The following KLHL22 variants were observed in gnomAD, a reference collection of about 807,000 sequenced individuals.
KLHL22 encodes the protein kelch like family member 22, also known as kelch-like protein 22.
KLHL22 carries 18 observed loss-of-function variants against 60.7 expected under a neutral mutation model. That is an observed-to-expected ratio of 0.30 (90% CI 0.20 to 0.44). The LOEUF is 0.44. KLHL22 is among the 20% of genes least tolerant of loss of function. The pLI, the probability that KLHL22 is intolerant of heterozygous loss-of-function variation, is 1.00. For synonymous variants in KLHL22, 355 were observed against 354.5 expected (o/e 1.00, Z -0.01); for missense variants, 596 against 852.3 (o/e 0.70, Z 3.74).
chr22:20,471,277 G>A (rs2053322703), intron 3 of KLHL22, 73 bp downstream of exon 3: 7 of 1,437,304 alleles, frequency 4.9e-6, no homozygotes, highest in South Asian at 1.3e-5. Context: ...GCTAGTGCCC[G>A]GCAGGCATCA....
At chr22:20,486,183 A>AG (rs2053584828) in intron 2 of KLHL22, among the ~76,000 whole-genome samples, 1 of 151,774 alleles carries the variant, frequency 6.6e-6, no homozygotes, top group Admixed American at 6.6e-5. Flanking sequence ...AAAAAAAAAA[A>AG]AAGAAATTTA....
intron 6 of KLHL22, among the ~76,000 whole-genome samples, chr22:20,445,130 G>A (rs987564256): frequency 1.3e-5 from 2 of 151,824 alleles, no homozygotes; most frequent in African/African-American, 4.8e-5. Context: ...AAACATACAC[G>A]GTCAATGCTG....
At chr22:20,480,787 G>A (rs1017306853) in intron 2 of KLHL22, among the ~76,000 whole-genome samples, 2 of 147,170 alleles carry the variant, frequency 1.4e-5, no homozygotes, top group Non-Finnish European at 3.0e-5. Context: ...ATAATTTTGA[G>A]TTTTGGGTGG....
In KLHL22 at chr22:20,446,444, T is replaced by C; in HGVS notation, c.1538A>G (p.Gln513Arg). Residue 513 changes from glutamine to arginine, a missense_variant and splice_region_variant, in exon 6 of 7, where the codon CAG (glutamine) becomes CGG (arginine). By Grantham distance (43) the Gln-to-Arg change is conservative. Coordinates refer to ENST00000328879, the MANE Select transcript of KLHL22 (RefSeq NM_032775.4). Reference sequence around the variant, plus strand: ...TGGACTGCCCCGGGCCCCACTCACCTGGTGCACGTCCCTCCTGTATCCGGC... The same window carrying C: ...TGGACTGCCCCGGGCCCCACTCACCCGGTGCACGTCCCTCCTGTATCCGGC... ...NDAGYRRDVH[Q>R]VACYSCTSGQ... 1 of 1,592,370 alleles carries C rather than the reference T, an allele frequency of 6.3e-7. No individual in the cohort carries two copies. Among genetic ancestry groups the C allele is most frequent in the Non-Finnish European group, 8.6e-7 (1 of 1,165,430 alleles).
intron 2 of KLHL22, among the ~76,000 whole-genome samples, chr22:20,487,482 A>G (rs2053605435): frequency 6.6e-6 from 1 of 151,668 alleles, no homozygotes; most frequent in Admixed American, 6.6e-5. Flanking sequence ...TTGGCCTCCC[A>G]AAGTGCTGGG....
At chr22:20,485,989 A>G (rs1235067654) in intron 2 of KLHL22, among the ~76,000 whole-genome samples, 1 of 151,804 alleles carries the variant, frequency 6.6e-6, no homozygotes, top group Non-Finnish European at 1.5e-5. Flanking sequence ...CAACATGGTG[A>G]AACCCTGTCT....
chr22:20,488,989 A>G lies in KLHL22; in HGVS notation c.223T>C (p.Phe75Leu), dbSNP rs1412258901. The change falls in exon 2 of 7, where the codon TTC (phenylalanine) becomes CTC (leucine). Residue 75 changes from phenylalanine (F) to leucine (L), a missense_variant. Transcript: ENST00000328879. ...AAACAGCTCTAGTGAACTCACCTGAAGTAATCGCAGGACGCAGCCAGCAGG... is the reference window on the plus strand; with the variant it reads ...AAACAGCTCTAGTGAACTCACCTGAGGTAATCGCAGGACGCAGCCAGCAGG... ...RILLAASCDY[F>L]RGMFAGGLKE... The G allele has an allele frequency of 6.2e-7, 1 of 1,613,712 alleles. No individual in the cohort carries two copies. Among genetic ancestry groups the G allele is most frequent in the Admixed American group, 1.7e-5 (1 of 60,014 alleles).
At chr22:20,480,332 TTTA>T (rs1249774931) in intron 2 of KLHL22, among the ~76,000 whole-genome samples, 26 of 152,202 alleles carry the variant, frequency 1.7e-4, no homozygotes, top group African/African-American at 5.8e-4. Context: ...GTTATTTGTG[TTTA>T]TTATTTTAGA....
intron 5 of KLHL22, among the ~76,000 whole-genome samples, chr22:20,454,337 T>A (rs1004278478): frequency 2.4e-4 from 36 of 151,534 alleles, no homozygotes; most frequent in Non-Finnish European, 2.7e-4. Context: ...TCAAAAAAAA[T>A]AAAAATAAAA....
At position 20,489,340 on chromosome 22, in the gene KLHL22, G is replaced by A. The variant is rs150210925; in HGVS notation, c.-33-96C>T. 5.9e-5 allele frequency: 50 copies of A among 850,832 alleles called. No individual in the cohort carries two copies. The East Asian group carries it at 1.2e-3, about 21-fold the overall frequency. The allele number at this position is 850,832 out of a possible 1,614,324, so 52.7% of individuals were successfully genotyped here. On this transcript the variant is annotated intron_variant, in intron 1 of 6. Coordinates refer to ENST00000328879, the MANE Select transcript of KLHL22 (RefSeq NM_032775.4). ...GCTCTGTTGCTCCCCTTGCTCCTGT[G>A]CCTCCCTCAGGCTCACCTGTTTTCC...
chr22:20,443,449 G>C (rs1340034873), intron 6 of KLHL22, among the ~76,000 whole-genome samples: 1 of 152,180 alleles, frequency 6.6e-6, no homozygotes, highest in Non-Finnish European at 1.5e-5. Context: ...CTTAAAAGTG[G>C]AAGGGGAGAG....
intron 2 of KLHL22, among the ~76,000 whole-genome samples, chr22:20,472,024 A>G (rs1048167038): frequency 6.6e-6 from 1 of 152,154 alleles, no homozygotes; most frequent in African/African-American, 2.4e-5. Context: ...AGGCAGGCAA[A>G]TCACTTCAGG....
intron 6 of KLHL22, among the ~76,000 whole-genome samples, chr22:20,443,567 C>A (rs111879029): frequency 5.4e-4 from 82 of 152,010 alleles, no homozygotes; most frequent in African/African-American, 2.0e-3. Context: ...GGTGAAACCT[C>A]GTCTCTACTA....
intron 1 of KLHL22, among the ~76,000 whole-genome samples, chr22:20,494,859 G>T (rs574484059): frequency 1.2e-4 from 19 of 152,332 alleles, no homozygotes; most frequent in African/African-American, 4.1e-4. Flanking sequence ...GGAACTTTCA[G>T]TTCGGTACGA....
At chr22:20,473,627 G>A (rs898000678) in intron 2 of KLHL22, among the ~76,000 whole-genome samples, 1 of 152,226 alleles carries the variant, frequency 6.6e-6, no homozygotes. Flanking sequence ...TGTAATCCCA[G>A]GACTTTGGGA....
At chr22:20,443,463 G>A (rs1186007976) in intron 6 of KLHL22, among the ~76,000 whole-genome samples, 1 of 152,208 alleles carries the variant, frequency 6.6e-6, no homozygotes, top group Non-Finnish European at 1.5e-5. Context: ...GGGAGAGGCC[G>A]GGCGTGGTGG....
In KLHL22 at chr22:20,465,154, G is replaced by T. The variant is rs767144304; in HGVS notation, c.816C>A (p.Ser272Arg). 4 of 1,613,588 alleles carry T rather than the reference G, an allele frequency of 2.5e-6. No individual in the cohort carries two copies. The highest frequency in any genetic ancestry group is 1.6e-4 in the Middle Eastern group (1 of 6,084). ...DPSPLRDTVA[S>R]ALMYHRNESL... ...TCTCGTTCCGGTGGTACATGAGGGC[G>T]CTGGCCACTGTGTCCCTCAAAGGGC... Residue 272 changes from serine (S) to arginine (R), a missense_variant, in exon 4 of 7, where the codon AGC becomes AGA. Ser to Arg is a moderately radical substitution (Grantham distance 110, BLOSUM62 -1). Coordinates refer to ENST00000328879, the MANE Select transcript of KLHL22 (RefSeq NM_032775.4). This position sits in a 1 kb window ranked among gnomAD's most constrained non-coding sequence, Gnocchi z 4.9.
intron 5 of KLHL22, chr22:20,450,637 C>T: frequency 6.3e-7 from 1 of 1,585,520 alleles, no homozygotes; most frequent in South Asian, 1.1e-5. Context: ...GTTCATTCTT[C>T]TGAGGCAAGG....
chr22:20,442,301 G>A lies in KLHL22; in HGVS notation c.1677C>T (p.Arg559=), dbSNP rs1371494419. Residue 559 remains arginine (R), a synonymous_variant, in exon 7 of 7, where the codon CGC becomes CGT. Transcript: ENST00000328879. ...LGGRSHNRGS[R]TGYVHIYDVE... ...CATCGTAAATGTGCACGTAGCCTGT[G>A]CGGCTGCCGCGGTTGTGTGAGCGGC... 6.2e-7 allele frequency: 1 copy of A among 1,613,964 alleles called. No individual in the cohort carries two copies. Among genetic ancestry groups the A allele is most frequent in the Non-Finnish European group, 8.5e-7 (1 of 1,180,036 alleles).
Sources: gnomAD v4.1 joint callset for allele counts (sites outside exome capture counted in the v4.1 genomes callset) on GRCh38, gnomAD v4.1.1 for gene constraint, Gnocchi (gnomAD v3.1) non-coding constraint, MANE v1.5 for transcripts, NCBI Gene and HGNC (gene_info 2026-07-23, HGNC 2026-07-21) for gene names.